The following RTF2 variants were observed in gnomAD, a reference collection of about 807,000 sequenced individuals.
The protein encoded by RTF2 is replication termination factor 2.
A neutral mutation model predicts 38.0 loss-of-function variants in RTF2; 18 were observed. That is an observed-to-expected ratio of 0.47 (90% CI 0.33 to 0.70). RTF2 has a LOEUF of 0.70. Among genes scored for constraint, RTF2 ranks in the 30% least tolerant of loss-of-function variants. The pLI, the probability that RTF2 is intolerant of heterozygous loss-of-function variation, is 0.02. For synonymous variants in RTF2, 126 were observed against 137.1 expected (o/e 0.92, Z 0.57); for missense variants, 311 against 379.6 (o/e 0.82, Z 1.50).
At chr20:56,505,729 C>T (rs564714710) in intron 5 of RTF2, among the ~76,000 whole-genome samples, 3 of 152,008 alleles carry the variant, frequency 2.0e-5, no homozygotes, top group South Asian at 4.2e-4. Context: ...CACATTGCTG[C>T]GGGAAATGCC....
intron 5 of RTF2, among the ~76,000 whole-genome samples, chr20:56,494,353 ATTACT>A (rs1270866254): frequency 2.0e-5 from 3 of 152,144 alleles, no homozygotes; most frequent in South Asian, 2.1e-4. Context: ...ATTCTGAATC[ATTACT>A]TTATTATTGA....
chr20:56,474,821 G>T, intron 3 of RTF2, 50 bp downstream of exon 3: 1 of 1,213,444 alleles, frequency 8.2e-7, no homozygotes, highest in Non-Finnish European at 1.2e-6. Context: ...AGTGGCTGAG[G>T]TTTATTTTAT....
intron 5 of RTF2, chr20:56,497,253 T>G (rs1269278421): frequency 1.3e-6 from 2 of 1,551,830 alleles, no homozygotes; most frequent in Non-Finnish European, 1.7e-6. Flanking sequence ...GGCCAGCTCC[T>G]TATGAATAGT....
rs1316538931 is a variant in RTF2, at chr20:56,518,164, G to A, written c.820G>A (p.Glu274Lys). The change falls in exon 9 of 9, where the codon GAA (glutamate) becomes AAA (lysine). Residue 274 changes from glutamate to lysine, a missense_variant. Glu to Lys is a moderately conservative substitution (Grantham distance 56). Coordinates refer to ENST00000357348, the MANE Select transcript of RTF2 (RefSeq NM_016407.5). The part of the protein sequence containing the change: ...ATKRSIADSE[E>K]SEAYKSLFTT... ...AAAGAGGTCCATCGCTGACAGTGAA[G>A]AATCGGAGGCCTACAAGTCCCTCTT... is the stretch of plus-strand genomic sequence containing the variant. The A allele has an allele frequency of 1.2e-6, 2 of 1,614,202 alleles. No individual in the cohort carries two copies. The highest frequency in any genetic ancestry group is 1.7e-6 in the Non-Finnish European group (2 of 1,180,012).
intron 5 of RTF2, among the ~76,000 whole-genome samples, chr20:56,503,674 T>C (rs912009618): frequency 4.6e-5 from 7 of 152,198 alleles, no homozygotes; most frequent in African/African-American, 1.7e-4. Flanking sequence ...TCAAAAAGTA[T>C]ACCTGTGGCC....
intron 1 of RTF2, 84 bp from the exon 2 acceptor site, chr20:56,473,217 T>G: frequency 1.0e-6 from 1 of 968,962 alleles, no homozygotes; most frequent in Admixed American, 1.9e-5. Context: ...AGTGCGGTAT[T>G]ACTGAATATA....
rs531274733 is a variant in RTF2, at chr20:56,479,058, A to C, written c.398+1934A>C. On this transcript the variant is annotated intron_variant, in intron 4 of 8. Transcript: ENST00000357348. ...AGTAATTCAGTCATCTTCAGGCTCC[A>C]CTTTTCTCATTCTCTTGCCATTCTA... Among the ~76,000 whole-genome samples the C allele has an allele frequency of 4.6e-5, 7 of 152,216 alleles. No individual in the cohort carries two copies. In the East Asian group the frequency reaches 1.4e-3, roughly 29 times the overall value.
intron 5 of RTF2, among the ~76,000 whole-genome samples, chr20:56,511,069 A>G (rs1354263159): frequency 1.3e-5 from 2 of 152,152 alleles, no homozygotes. Flanking sequence ...TGTTGTTGTG[A>G]CATTGTCATG....
At chr20:56,499,614 T>C (rs1983793811) in intron 5 of RTF2, among the ~76,000 whole-genome samples, 1 of 152,228 alleles carries the variant, frequency 6.6e-6, no homozygotes, top group Non-Finnish European at 1.5e-5. Flanking sequence ...AGCTTTTTAC[T>C]ACTTCTCCTA....
chr20:56,515,591 G>A (rs1187707588), intron 6 of RTF2: 1 of 95,618 alleles, frequency 1.0e-5, no homozygotes, highest in South Asian at 4.1e-4. Flanking sequence ...GAGAGAGAGA[G>A]AGAGAGAGAC....
At chr20:56,482,158 G>C (rs6024908) in intron 4 of RTF2, among the ~76,000 whole-genome samples, 41,421 of 152,110 alleles carry the variant, frequency 0.27, 6,917 homozygotes, top group South Asian at 0.43. Context: ...ATTGATGATT[G>C]GATTAGTTTG....
At chr20:56,476,570 G>A (rs973191250) in intron 3 of RTF2, among the ~76,000 whole-genome samples, 9 of 149,930 alleles carry the variant, frequency 6.0e-5, no homozygotes, top group Admixed American at 4.0e-4. Flanking sequence ...CACGATCTCA[G>A]CTCACTGCAA....
In RTF2 at chr20:56,517,088, A is replaced by G. The variant is rs1177893934; in HGVS notation, c.647-18A>G. The G allele has an allele frequency of 1.2e-6, 2 of 1,613,326 alleles. No homozygotes were observed. The highest frequency in any genetic ancestry group is 8.5e-7 in the Non-Finnish European group (1 of 1,179,398). On this transcript the variant is annotated intron_variant, in intron 7 of 8. Transcript: ENST00000357348. ...GTTTTGCATTGTTTTTGCTTTGCCT[A>G]CTTTGTTTCTTTTACAGAAGCCCCA...
chr20:56,495,515 A>C (rs1200488274), intron 5 of RTF2, among the ~76,000 whole-genome samples: 11 of 152,208 alleles, frequency 7.2e-5, no homozygotes. Context: ...TGGCAGTAGC[A>C]TCCAGGTGGA....
chr20:56,473,988 T>C (rs927800144), intron 2 of RTF2, among the ~76,000 whole-genome samples: 1 of 152,212 alleles, frequency 6.6e-6, no homozygotes, highest in Admixed American at 6.5e-5. Flanking sequence ...GTCCATGTGC[T>C]GTCCAAAGCG....
intron 4 of RTF2, among the ~76,000 whole-genome samples, chr20:56,482,961 G>T (rs1982601415): frequency 6.6e-6 from 1 of 152,012 alleles, no homozygotes; most frequent in African/African-American, 2.4e-5. Flanking sequence ...ACTCTCATGG[G>T]GTCACATTAT....
At chr20:56,492,721 C>T (rs1005699075) in intron 5 of RTF2, among the ~76,000 whole-genome samples, 2 of 152,000 alleles carry the variant, frequency 1.3e-5, no homozygotes, top group African/African-American at 4.8e-5. Context: ...TGGATTCCAT[C>T]ATCATTCCCA....
intron 5 of RTF2, among the ~76,000 whole-genome samples, chr20:56,507,146 T>C (rs373948691): frequency 2.0e-5 from 3 of 152,118 alleles, no homozygotes; most frequent in African/African-American, 4.8e-5. Flanking sequence ...CAGGAAGATA[T>C]GGGTGATTTT....
chr20:56,479,921 C>G (rs1461554573), intron 4 of RTF2, among the ~76,000 whole-genome samples: 1 of 151,598 alleles, frequency 6.6e-6, no homozygotes, highest in Non-Finnish European at 1.5e-5. Flanking sequence ...TTGGTTCTTC[C>G]ATTTCGAGAG....
Sources: allele counts gnomAD v4.1 joint callset (sites outside exome capture counted in the v4.1 genomes callset), GRCh38; gene constraint gnomAD v4.1.1; transcripts MANE v1.5; gene names NCBI Gene and HGNC (gene_info 2026-07-23, HGNC 2026-07-21).